DAO: variants seen among roughly 807,000 people sequenced by gnomAD.
DAO encodes D-amino-acid oxidase.
Under a neutral mutation model 50.1 loss-of-function variants are expected in DAO, and 51 were observed. The observed-to-expected ratio is 1.02, with a 90% CI of 0.81 to 1.29. DAO has a LOEUF of 1.29. DAO is among the 50% of genes most tolerant of loss of function. The pLI is 0.00. For missense variants in DAO, 436 were observed against 439.4 expected (o/e 0.99, Z 0.07); for synonymous variants, 160 against 166.2 (o/e 0.96, Z 0.29).
intron 7 of DAO, among the ~76,000 whole-genome samples, chr12:108,895,432 CAT>C (rs1347061360): frequency 1.7e-5 from 2 of 119,490 alleles, no homozygotes; most frequent in African/African-American, 3.3e-5. Context: ...AGGGTGTGTG[CAT>C]ATGTGTGACG....
At chr12:108,882,874 G>A (rs2039395443) in intron 1 of DAO, among the ~76,000 whole-genome samples, 2 of 152,160 alleles carry the variant, frequency 1.3e-5, no homozygotes, top group Non-Finnish European at 2.9e-5. Context: ...GCGGGCGGGT[G>A]CAGTGGCACA....
chr12:108,900,258 C>T (rs1414101346), intron 10 of DAO, 146 bp from the exon 11 acceptor site: 2 of 1,001,400 alleles, frequency 2.0e-6, no homozygotes, highest in African/African-American at 1.6e-5. Context: ...CACCATTCCA[C>T]CCCGGTGCCA....
At chr12:108,893,080 G>T (rs1248305940) in intron 6 of DAO, 44 bp downstream of exon 6, 1 of 1,582,122 alleles carries the variant, frequency 6.3e-7, no homozygotes, top group Admixed American at 1.7e-5. Context: ...GGGAGAAGAG[G>T]GGAGGCCTCT....
chr12:108,895,444 G>T (rs983574652), intron 7 of DAO, among the ~76,000 whole-genome samples: 2 of 142,658 alleles, frequency 1.4e-5, no homozygotes, highest in African/African-American at 5.2e-5. Context: ...TATGTGTGAC[G>T]GTGTGTGTGC....
In DAO at chr12:108,880,158, T is replaced by C. The variant is rs1191336496; in HGVS notation, c.-76T>C. The stretch of plus-strand genomic sequence containing the variant: ...ACGCTCCAGAATCAGGAGCTTCCCC[T>C]CAGGAAATAGCATCCTGTGTCCCCG... On this transcript the variant is annotated 5_prime_UTR_variant, in exon 1 of 11. Coordinates refer to ENST00000228476, the MANE Select transcript of DAO (RefSeq NM_001917.5). The C allele has an allele frequency of 4.4e-6, 2 of 456,596 alleles. No individual in the cohort carries two copies. The highest frequency in any genetic ancestry group is 8.8e-6 in the Non-Finnish European group (2 of 226,914). 28.3% of individuals were successfully genotyped at this position (456,596 alleles called of 1,614,324 possible).
intron 2 of DAO, 94 bp downstream of exon 2, chr12:108,885,294 T>G (rs1262230138): frequency 8.2e-7 from 1 of 1,218,016 alleles, no homozygotes; most frequent in East Asian, 2.3e-5. Flanking sequence ...AAGCCCCTTG[T>G]GGAAGCTCTG....
rs2039514771 is a variant in DAO, at chr12:108,893,602, G to A, written c.507+566G>A. On this transcript the variant is annotated intron_variant, in intron 6 of 10. Coordinates refer to ENST00000228476, the MANE Select transcript of DAO (RefSeq NM_001917.5). ...ATGAAGACTAACCTGCTCTGGTCAG[G>A]CCCTGATGGACACCGAAGATACATG... Among the ~76,000 whole-genome samples, 6 of 152,166 alleles carry A rather than the reference G, an allele frequency of 3.9e-5. No homozygotes were observed. In the South Asian group the frequency reaches 1.0e-3, roughly 26 times the overall value.
chr12:108,881,446 G>A (rs1168387307), intron 1 of DAO, among the ~76,000 whole-genome samples: 2 of 132,456 alleles, frequency 1.5e-5, no homozygotes, highest in East Asian at 4.7e-4. Context: ...TTGTCATGAG[G>A]ACCTCATGCA....
intron 5 of DAO, among the ~76,000 whole-genome samples, chr12:108,890,770 G>A (rs1361258470): frequency 6.6e-6 from 1 of 152,140 alleles, no homozygotes; most frequent in African/African-American, 2.4e-5. Flanking sequence ...TCACTTGAGA[G>A]ATACATTGGT....
At chr12:108,893,555 A>G (rs2039513889) in intron 6 of DAO, among the ~76,000 whole-genome samples, 1 of 152,200 alleles carries the variant, frequency 6.6e-6, no homozygotes, top group Admixed American at 6.5e-5. Flanking sequence ...CGCTCCGTAC[A>G]TGTAGCTACT....
intron 1 of DAO, chr12:108,883,761 A>G (rs1047397333): frequency 1.2e-5 from 5 of 408,252 alleles, no homozygotes; most frequent in Admixed American, 2.8e-5. Context: ...TGGAAGGAGA[A>G]TTGCCTAGAG....
At chr12:108,895,757 G>A (rs542562600) in intron 7 of DAO, among the ~76,000 whole-genome samples, 193 of 151,170 alleles carry the variant, frequency 1.3e-3, no homozygotes, top group African/African-American at 4.4e-3. Flanking sequence ...ATGTGTGTGA[G>A]GGTGTGTGTC....
chr12:108,891,077 T>C (rs2039485825), intron 5 of DAO, among the ~76,000 whole-genome samples: 1 of 152,150 alleles, frequency 6.6e-6, no homozygotes, highest in Non-Finnish European at 1.5e-5. Context: ...CGCCTCGGCC[T>C]CCCAAAATGC....
chr12:108,897,576 C>T (rs1566040049), intron 8 of DAO, among the ~76,000 whole-genome samples: 2 of 152,076 alleles, frequency 1.3e-5, no homozygotes, highest in African/African-American at 2.4e-5. Context: ...GACTCAGCCT[C>T]GACTGAGGTC....
chr12:108,892,963 A>T lies in DAO; in HGVS notation c.453-19A>T. On this transcript the variant is annotated intron_variant, in intron 5 of 10. Coordinates refer to ENST00000228476, the MANE Select transcript of DAO (RefSeq NM_001917.5). ...AGATAGCTGAATACTGGGCTTTTTG[A>T]TGTGTTTGATCATCCCAGGTTAACT... The T allele has an allele frequency of 6.2e-7, 1 of 1,613,040 alleles. No individual in the cohort carries two copies. Among genetic ancestry groups the T allele is most frequent in the Non-Finnish European group, 8.5e-7 (1 of 1,179,182 alleles).
At chr12:108,890,141 T>G in intron 4 of DAO, 67 bp from the exon 5 acceptor site, 6 of 1,370,252 alleles carry the variant, frequency 4.4e-6, no homozygotes, top group Non-Finnish European at 6.3e-6. Flanking sequence ...CCACCTCCAT[T>G]TCACAGCCTT....
Position 108,899,353 on chromosome 12 carries a change from AG to A in DAO, c.814-23del. On this transcript the variant is annotated intron_variant, in intron 9 of 10. Coordinates refer to ENST00000228476, the MANE Select transcript of DAO (RefSeq NM_001917.5). The stretch of plus-strand genomic sequence containing the variant: ...AGCAGGAAAAAAAAATCCAGAAATG[AG>A]TGATCAGCACTTTTCTTTCCAGAAT... 6 of 1,593,646 alleles carry A rather than the reference AG, an allele frequency of 3.8e-6. No homozygotes were observed. The Middle Eastern group carries it at 8.3e-4, about 220-fold the overall frequency.
intron 1 of DAO, among the ~76,000 whole-genome samples, chr12:108,880,764 G>A (rs17041020): frequency 0.099 from 14,969 of 151,750 alleles, 1,505 homozygotes; most frequent in East Asian, 0.32. Context: ...TGGGCACATA[G>A]CAATCAAAGG....
At chr12:108,896,395 C>G (rs2039555757) in intron 7 of DAO, among the ~76,000 whole-genome samples, 1 of 128,772 alleles carries the variant, frequency 7.8e-6, no homozygotes, top group South Asian at 2.5e-4. Context: ...TGCACTCCAG[C>G]CTGGCAACAG....
Sources: gnomAD v4.1 joint callset for allele counts (sites outside exome capture counted in the v4.1 genomes callset) on GRCh38, gnomAD v4.1.1 for gene constraint, MANE v1.5 for transcripts, NCBI Gene and HGNC (gene_info 2026-07-23, HGNC 2026-07-21) for gene names.